Variants in MCC observed in about 807,000 individuals in gnomAD.
MCC encodes the protein colorectal mutant cancer protein.
In MCC, 90 loss-of-function variants were observed where a neutral mutation model predicts 116.2. The ratio of observed to expected loss-of-function variants is 0.77; its 90% confidence interval spans 0.65 to 0.92. The LOEUF (loss-of-function observed/expected upper bound fraction) is 0.92, where lower values mean the gene tolerates loss of function less well. Ranked by LOEUF, MCC falls within the 40% of genes least tolerant of loss-of-function variation. MCC has a pLI of 0.00. For missense variants in MCC, 1,516 were observed against 1,312.2 expected (o/e 1.16, Z -2.40); for synonymous variants, 578 against 510.5 (o/e 1.13, Z -1.78).
At chr5:113,398,612 A>C (rs1040585370) in intron 1 of MCC, among the ~76,000 whole-genome samples, 2 of 152,210 alleles carry the variant, frequency 1.3e-5, no homozygotes, top group African/African-American at 4.8e-5. Context: ...CTCACTTATA[A>C]GTAGGAGCTA....
At chr5:113,289,456 G>C (rs1369440848) in intron 3 of MCC, among the ~76,000 whole-genome samples, 1 of 152,126 alleles carries the variant, frequency 6.6e-6, no homozygotes, top group Non-Finnish European at 1.5e-5. Context: ...CTCTTGGAGA[G>C]GTGTTTTCTA....
chr5:113,050,037 G>C (rs759307111), intron 15 of MCC, among the ~76,000 whole-genome samples: 2 of 152,220 alleles, frequency 1.3e-5, no homozygotes, highest in Non-Finnish European at 2.9e-5. Context: ...ACAGCCAGTA[G>C]CCTTTACTGA....
At chr5:113,346,772 T>C (rs1397818542) in intron 2 of MCC, among the ~76,000 whole-genome samples, 1 of 152,070 alleles carries the variant, frequency 6.6e-6, no homozygotes, top group East Asian at 1.9e-4. Flanking sequence ...CCTCAAGGCA[T>C]CTAATAATCA....
At chr5:113,432,337 A>G (rs59620746) in intron 1 of MCC, among the ~76,000 whole-genome samples, 111 of 151,510 alleles carry the variant, frequency 7.3e-4, no homozygotes, top group African/African-American at 2.5e-3. Context: ...AAAAAAAAAA[A>G]AAAAAAGAAA....
At chr5:113,060,304 A>C (rs1753129921) in intron 14 of MCC, among the ~76,000 whole-genome samples, 2 of 152,080 alleles carry the variant, frequency 1.3e-5, no homozygotes, top group Non-Finnish European at 2.9e-5. Context: ...ACAGGCATGT[A>C]CCACCATGCC....
intron 3 of MCC, among the ~76,000 whole-genome samples, chr5:113,322,143 T>G (rs1297942644): frequency 6.6e-6 from 1 of 152,176 alleles, no homozygotes; most frequent in East Asian, 1.9e-4. Context: ...ATGATTTGTA[T>G]TTCTAACAAG....
chr5:113,043,575 C>T lies in MCC; in HGVS notation c.2711G>A (p.Cys904Tyr). The T allele has an allele frequency of 1.2e-6, 2 of 1,614,172 alleles. No homozygotes were observed. Among genetic ancestry groups the T allele is most frequent in the Non-Finnish European group, 1.7e-6 (2 of 1,180,034 alleles). ...CTCCGCAGCCAGCTCATTCTCGCTGCACGTTGTCCTGAGTTCGGCTAGGGA... is the reference window on the plus strand; with the variant it reads ...CTCCGCAGCCAGCTCATTCTCGCTGTACGTTGTCCTGAGTTCGGCTAGGGA... ...ALSLAELRTT[C>Y]SENELAAEFT... is the part of the protein sequence containing the mutation. Residue 904 changes from cysteine to tyrosine, a missense_variant, in exon 17 of 19, where the codon TGC (cysteine) becomes TAC (tyrosine). Physicochemically the swap from Cys to Tyr is radical, Grantham distance 194 (BLOSUM62 -2). Coordinates refer to ENST00000408903, the MANE Select transcript of MCC (RefSeq NM_001085377.2).
At chr5:113,107,216 T>C (rs1249009147) in intron 6 of MCC, among the ~76,000 whole-genome samples, 1 of 129,260 alleles carries the variant, frequency 7.7e-6, no homozygotes, top group Non-Finnish European at 1.5e-5. Flanking sequence ...TTCTTTTTTT[T>C]TTTTCTTTTT....
At position 113,101,870 on chromosome 5, in the gene MCC, T is replaced by C; in HGVS notation, c.1267A>G (p.Lys423Glu). Residue 423 changes from lysine to glutamate, a missense_variant, in exon 8 of 19, where the codon AAG (lysine) becomes GAG (glutamate). Physicochemically the swap from Lys to Glu is moderately conservative, Grantham distance 56. Coordinates refer to ENST00000408903, the MANE Select transcript of MCC (RefSeq NM_001085377.2). ...TCTTCCCTCAGCCCAGCCAGCTCCT[T>C]CTCCCACCGAGACCTCTCTTCAGCC... ...NLAEERSRWEKELAGLREENE... is the reference protein window; with the variant it reads ...NLAEERSRWEEELAGLREENE... The C allele has an allele frequency of 6.3e-7, 1 of 1,591,816 alleles. No individual in the cohort carries two copies. Among genetic ancestry groups the C allele is most frequent in the South Asian group, 1.1e-5 (1 of 90,130 alleles).
chr5:113,484,954 C>A (rs348960), intron 1 of MCC, among the ~76,000 whole-genome samples: 47,488 of 151,974 alleles, frequency 0.31, 7,853 homozygotes, highest in African/African-American at 0.36. Flanking sequence ...CACTCTGCTG[C>A]CCAAATCCAG....
intron 1 of MCC, among the ~76,000 whole-genome samples, chr5:113,424,795 G>A (rs1400190271): frequency 2.0e-5 from 3 of 151,122 alleles, no homozygotes; most frequent in Non-Finnish European, 4.4e-5. Context: ...ATTAAAAGCA[G>A]AAACTGAAAT....
intron 1 of MCC, among the ~76,000 whole-genome samples, chr5:113,452,874 G>A (rs1435469394): frequency 6.6e-6 from 1 of 152,170 alleles, no homozygotes; most frequent in Non-Finnish European, 1.5e-5. Context: ...GCCTTTATGT[G>A]TCCTTTATTT....
At chr5:113,361,682 A>G (rs1007107589) in intron 2 of MCC, among the ~76,000 whole-genome samples, 1 of 152,198 alleles carries the variant, frequency 6.6e-6, no homozygotes, top group Admixed American at 6.5e-5. Context: ...CATTTGAATC[A>G]CTGGACTGAG....
chr5:113,062,125 T>C (rs73778907), intron 14 of MCC, among the ~76,000 whole-genome samples: 15 of 152,138 alleles, frequency 9.9e-5, no homozygotes, highest in Admixed American at 5.9e-4. Flanking sequence ...TTGGGTGACA[T>C]TGGAGCTAAA....
chr5:113,400,151 C>G (rs1239772274), intron 1 of MCC, among the ~76,000 whole-genome samples: 1 of 85,188 alleles, frequency 1.2e-5, no homozygotes, highest in Non-Finnish European at 2.0e-5. Context: ...GAGATGGAGT[C>G]TTACTGTGTC....
At position 113,082,842 on chromosome 5, in the gene MCC, G is replaced by T; in HGVS notation, c.1784+18C>A. On this transcript the variant is annotated intron_variant, in intron 11 of 18. Coordinates refer to ENST00000408903, the MANE Select transcript of MCC (RefSeq NM_001085377.2). ...CTCCTCCCTGCCCCACAATCAAATC[G>T]ATACGATCTCTCCTCACCTATTCAG... The T allele has an allele frequency of 6.2e-7, 1 of 1,611,408 alleles. No individual in the cohort carries two copies. Among genetic ancestry groups the T allele is most frequent in the Non-Finnish European group, 8.5e-7 (1 of 1,178,906 alleles).
chr5:113,115,056 C>T (rs541008636), intron 6 of MCC, among the ~76,000 whole-genome samples: 11 of 152,320 alleles, frequency 7.2e-5, no homozygotes, highest in African/African-American at 2.6e-4. Context: ...AAAAAGAGCA[C>T]TGTAACACAT....
chr5:113,343,241 C>T (rs190001116), intron 2 of MCC, among the ~76,000 whole-genome samples: 112 of 152,280 alleles, frequency 7.4e-4, no homozygotes, highest in Admixed American at 1.6e-3. Flanking sequence ...CCTCTCCAGT[C>T]GGTCTAACCC....
chr5:113,119,162 T>TA (rs1452458972), intron 6 of MCC, among the ~76,000 whole-genome samples: 5 of 152,242 alleles, frequency 3.3e-5, no homozygotes, highest in African/African-American at 1.2e-4. Context: ...CAGGAACTGC[T>TA]ATGCTGGTAA....
Sources: gnomAD v4.1 joint callset for allele counts (sites outside exome capture counted in the v4.1 genomes callset) on GRCh38, gnomAD v4.1.1 for gene constraint, MANE v1.5 for transcripts, NCBI Gene and HGNC (gene_info 2026-07-23, HGNC 2026-07-21) for gene names.